Variants in CHRM3 observed in about 807,000 individuals in gnomAD.
CHRM3 encodes the protein cholinergic receptor muscarinic 3.
In CHRM3, 11 loss-of-function variants were observed where a neutral mutation model predicts 41.8. The observed-to-expected ratio is 0.26, with a 90% CI of 0.17 to 0.44. CHRM3 has a LOEUF of 0.44. Ranked by LOEUF, CHRM3 falls within the 20% of genes least tolerant of loss-of-function variation. CHRM3 has a pLI of 1.00. For missense variants in CHRM3, 571 were observed against 745.4 expected (o/e 0.77, Z 2.72); for synonymous variants, 297 against 301.4 (o/e 0.99, Z 0.15).
chr1:239,466,753 C>T (rs1030979100), intron 1 of CHRM3, among the ~76,000 whole-genome samples: 9 of 152,094 alleles, frequency 5.9e-5, no homozygotes, highest in East Asian at 3.9e-4. Flanking sequence ...CATGAGCCAC[C>T]GTATCTAGCC....
At chr1:239,498,310 A>G (rs377608245) in intron 2 of CHRM3, among the ~76,000 whole-genome samples, 1 of 152,182 alleles carries the variant, frequency 6.6e-6, no homozygotes, top group East Asian at 1.9e-4. Flanking sequence ...TAAAATACCT[A>G]CCATATTGAA....
chr1:239,693,531 T>A (rs1659905672), intron 5 of CHRM3, among the ~76,000 whole-genome samples: 2 of 152,202 alleles, frequency 1.3e-5, no homozygotes, highest in Admixed American at 6.5e-5. Context: ...CCAGTGGCAT[T>A]TTGTTATGGC....
intron 3 of CHRM3, among the ~76,000 whole-genome samples, chr1:239,560,668 A>G (rs1660770012): frequency 6.6e-6 from 1 of 152,028 alleles, no homozygotes; most frequent in Non-Finnish European, 1.5e-5. Context: ...TTAAATATAT[A>G]TGTGTGTATA....
chr1:239,543,106 A>G (rs1362489976), intron 2 of CHRM3, among the ~76,000 whole-genome samples: 1 of 152,178 alleles, frequency 6.6e-6, no homozygotes, highest in Non-Finnish European at 1.5e-5. Flanking sequence ...TGTCTCAGTT[A>G]TCTGTCATTC....
At chr1:239,531,451 C>T (rs748479217) in intron 2 of CHRM3, among the ~76,000 whole-genome samples, 2 of 151,816 alleles carry the variant, frequency 1.3e-5, no homozygotes, top group South Asian at 2.1e-4. Flanking sequence ...GATTGTATTT[C>T]GGCATTAAGC....
chr1:239,794,897 TC>T lies in CHRM3; in HGVS notation c.-146-32354del. On this transcript the variant is annotated intron_variant, in intron 5 of 6. Transcript: ENST00000676153. The stretch of plus-strand genomic sequence containing the variant: ...AAAAGCAGAATAGCCATTATGTTGG[TC>T]ACTTAACAGTATTTAGTTTGATATC... Among the ~76,000 whole-genome samples the T allele has an allele frequency of 1.3e-5, 2 of 152,334 alleles. 1 individual carries two copies. The highest frequency in any genetic ancestry group is 6.8e-3 in the Middle Eastern group (2 of 294).
At chr1:239,664,506 A>ATGGTT (rs1353855669) in intron 4 of CHRM3, among the ~76,000 whole-genome samples, 2 of 152,162 alleles carry the variant, frequency 1.3e-5, no homozygotes, top group Non-Finnish European at 2.9e-5. Context: ...AATGACCTGT[A>ATGGTT]TGGTTTGGAA....
At chr1:239,507,697 A>G (rs1668667907) in intron 2 of CHRM3, among the ~76,000 whole-genome samples, 2 of 152,144 alleles carry the variant, frequency 1.3e-5, no homozygotes, top group Non-Finnish European at 2.9e-5. Flanking sequence ...ATAGACTAAA[A>G]CTCATGGAAT....
chr1:239,749,587 G>A (rs1231822291), intron 5 of CHRM3, among the ~76,000 whole-genome samples: 10 of 152,238 alleles, frequency 6.6e-5, no homozygotes, highest in Non-Finnish European at 1.5e-5. Context: ...AAAATCACTT[G>A]AACCCCAGAG....
At position 239,859,430 on chromosome 1, in the gene CHRM3, TTG is replaced by T. The variant is rs1221673029; in HGVS notation, c.-20+32054_-20+32055del. 4.0e-3 allele frequency among the ~76,000 whole-genome samples: 588 copies of T among 145,206 alleles called. 6 individuals are homozygous for T. The highest frequency in any genetic ancestry group is 0.024 in the South Asian group (110 of 4,588). The stretch of plus-strand genomic sequence containing the variant: ...TTGTTGTTGTTGTTGTTTTTTTTTT[TTG>T]TTTTTTTTTTTGAGGTGGAGTCTCA... On this transcript the variant is annotated intron_variant, in intron 6 of 6. Transcript: ENST00000676153.
chr1:239,483,833 T>C (rs893554916), intron 1 of CHRM3, among the ~76,000 whole-genome samples: 1 of 152,172 alleles, frequency 6.6e-6, no homozygotes, highest in African/African-American at 2.4e-5. Context: ...TAGGCTAAAA[T>C]GACAATTTGA....
intron 5 of CHRM3, among the ~76,000 whole-genome samples, chr1:239,790,472 T>C (rs1413138899): frequency 6.6e-6 from 1 of 152,224 alleles, no homozygotes; most frequent in Non-Finnish European, 1.5e-5. Flanking sequence ...GGAGTTCCCC[T>C]GCACAAGCTC....
At chr1:239,786,800 A>C (rs1388176892) in intron 5 of CHRM3, among the ~76,000 whole-genome samples, 2 of 152,214 alleles carry the variant, frequency 1.3e-5, no homozygotes, top group Non-Finnish European at 2.9e-5. Context: ...AATCATGTGC[A>C]TAGTGGAAGT....
intron 6 of CHRM3, among the ~76,000 whole-genome samples, chr1:239,901,138 G>T (rs938327191): frequency 1.3e-5 from 2 of 152,146 alleles, no homozygotes; most frequent in African/African-American, 4.8e-5. Flanking sequence ...CAGACAGGAG[G>T]GCATGAGGCA....
intron 6 of CHRM3, among the ~76,000 whole-genome samples, chr1:239,896,155 G>A (rs1217468783): frequency 6.6e-6 from 1 of 152,204 alleles, no homozygotes. Flanking sequence ...AGTGCTCTGT[G>A]AGGTAACAGG....
At chr1:239,566,488 A>T (rs928601300) in intron 3 of CHRM3, among the ~76,000 whole-genome samples, 1 of 152,206 alleles carries the variant, frequency 6.6e-6, no homozygotes, top group African/African-American at 2.4e-5. Flanking sequence ...AAAACACATT[A>T]TATCTTTTGT....
chr1:239,404,754 A>ATATG (rs1660462337), intron 1 of CHRM3, among the ~76,000 whole-genome samples: 1 of 138,744 alleles, frequency 7.2e-6, no homozygotes, highest in African/African-American at 2.6e-5. Context: ...ATATATATAT[A>ATATG]TATGGAAAAT....
Position 239,735,722 on chromosome 1 carries a change from T to C in CHRM3, c.-147+57434T>C, listed in dbSNP as rs548327863. 2.3e-4 allele frequency among the ~76,000 whole-genome samples: 35 copies of C among 152,300 alleles called. No homozygotes were observed. In the South Asian group the frequency reaches 7.3e-3, roughly 32 times the overall value. ...TTTGGTTCAATTAGTTTTCTTCTTT[T>C]GTCCTTGACAATGTGCCACCTGGAG... On this transcript the variant is annotated intron_variant, in intron 5 of 6. Coordinates refer to ENST00000676153, the MANE Select transcript of CHRM3 (RefSeq NM_001375978.1).
At chr1:239,841,428 T>A (rs1673789118) in intron 6 of CHRM3, among the ~76,000 whole-genome samples, 1 of 152,182 alleles carries the variant, frequency 6.6e-6, no homozygotes, top group Non-Finnish European at 1.5e-5. Flanking sequence ...AGTTTCATTG[T>A]GTGCAGATTC....
Sources: allele counts gnomAD v4.1 joint callset (sites outside exome capture counted in the v4.1 genomes callset), GRCh38; gene constraint gnomAD v4.1.1; transcripts MANE v1.5; gene names NCBI Gene and HGNC (gene_info 2026-07-23, HGNC 2026-07-21).